CWC27: variants seen among roughly 807,000 people sequenced by gnomAD.
CWC27 encodes CWC27 spliceosome associated cyclophilin, also known as spliceosome-associated protein CWC27 homolog.
In CWC27, 47 loss-of-function variants were observed where a neutral mutation model predicts 63.6. That is an observed-to-expected ratio of 0.74 (90% CI 0.58 to 0.94). The LOEUF is 0.94. Ranked by LOEUF, CWC27 falls within the 40% of genes least tolerant of loss-of-function variation. CWC27 has a pLI of 0.00. For missense variants in CWC27, 495 were observed against 554.3 expected, an observed-to-expected ratio of 0.89 and a Z score of 1.07; for synonymous variants, 175 against 179.8, an observed-to-expected ratio of 0.97 and a Z score of 0.22.
At chr5:64,792,044 G>A (rs1561408722) in intron 7 of CWC27, among the ~76,000 whole-genome samples, 1 of 151,918 alleles carries the variant, frequency 6.6e-6, no homozygotes, top group Non-Finnish European at 1.5e-5. Flanking sequence ...TCCACTACCA[G>A]AGCAGCCTTC....
At chr5:64,920,037 A>G (rs1168434405) in intron 11 of CWC27, among the ~76,000 whole-genome samples, 1 of 152,170 alleles carries the variant, frequency 6.6e-6, no homozygotes, top group Non-Finnish European at 1.5e-5. Context: ...ACAGTATTCT[A>G]TGCATTCCCT....
intron 11 of CWC27, among the ~76,000 whole-genome samples, chr5:64,952,782 G>A (rs1375848785): frequency 6.6e-6 from 1 of 152,006 alleles, no homozygotes; most frequent in Non-Finnish European, 1.5e-5. Flanking sequence ...TTAGAAGCAA[G>A]CTTACAGTTT....
At chr5:64,885,277 T>C (rs1451429486) in intron 10 of CWC27, among the ~76,000 whole-genome samples, 166 bp from the exon 11 acceptor site, 3 of 152,136 alleles carry the variant, frequency 2.0e-5, no homozygotes, top group African/African-American at 7.2e-5. Context: ...TTAAAATCCT[T>C]TAAGTGTATT....
chr5:64,846,993 C>CAAA lies in CWC27; in HGVS notation c.939-38434_939-38432dup, dbSNP rs35090437. On this transcript the variant is annotated intron_variant, in intron 10 of 13. Coordinates refer to ENST00000381070, the MANE Select transcript of CWC27 (RefSeq NM_005869.4). The stretch of plus-strand genomic sequence containing the variant: ...TGGGTGACAGAATAAGACTCCATCT[C>CAAA]AAAAAAAAAAAAAAAAAAGAAAAAG... 5.4e-3 allele frequency among the ~76,000 whole-genome samples: 467 copies of CAAA among 86,130 alleles called. 10 individuals carry two copies. Among genetic ancestry groups the CAAA allele is most frequent in the African/African-American group, 0.021 (438 of 21,280 alleles). 56.5% of individuals were successfully genotyped at this position (86,130 alleles called of 152,430 possible).
chr5:64,876,723 A>G (rs913224225), intron 10 of CWC27, among the ~76,000 whole-genome samples: 3 of 152,108 alleles, frequency 2.0e-5, no homozygotes, highest in African/African-American at 7.2e-5. Flanking sequence ...TTCTCGTGAC[A>G]TAAGAAAAAA....
rs530459630 is a variant in CWC27, at chr5:64,770,983, AAC to A, written c.42+1799_42+1800del. 8.5e-5 allele frequency among the ~76,000 whole-genome samples: 13 copies of A among 152,362 alleles called. No individual in the cohort carries two copies. The East Asian group carries it at 2.5e-3, about 29-fold the overall frequency. On this transcript the variant is annotated intron_variant, in intron 1 of 13. Coordinates refer to ENST00000381070, the MANE Select transcript of CWC27 (RefSeq NM_005869.4). The stretch of plus-strand genomic sequence containing the variant: ...GGTTTTAGGGAGACAATGGAAAGAA[AAC>A]ACAGCATTGACTCAGTTGTCATGAG...
At chr5:64,999,822 A>G (rs1749700160) in intron 13 of CWC27, among the ~76,000 whole-genome samples, 1 of 152,078 alleles carries the variant, frequency 6.6e-6, no homozygotes, top group Non-Finnish European at 1.5e-5. Flanking sequence ...TCCTTTCGAT[A>G]TAATGATTTC....
intron 10 of CWC27, among the ~76,000 whole-genome samples, chr5:64,826,101 A>ATCTG (rs1302710130): frequency 6.6e-6 from 1 of 151,850 alleles, no homozygotes; most frequent in African/African-American, 2.4e-5. Flanking sequence ...CTATCTATCT[A>ATCTG]TCTATCTATC....
intron 11 of CWC27, among the ~76,000 whole-genome samples, chr5:64,896,218 G>C (rs1306018164): frequency 6.6e-6 from 1 of 152,146 alleles, no homozygotes; most frequent in Non-Finnish European, 1.5e-5. Context: ...ATTTTCAATG[G>C]ACTGAGGGAA....
At chr5:64,777,780 A>G (rs758825504) in intron 2 of CWC27, among the ~76,000 whole-genome samples, 2 of 152,164 alleles carry the variant, frequency 1.3e-5, no homozygotes, top group African/African-American at 2.4e-5. Flanking sequence ...GCAGCAAAAT[A>G]TACAGTATTA....
chr5:64,799,584 CAA>C (rs1339432735), intron 7 of CWC27, among the ~76,000 whole-genome samples: 1 of 78,876 alleles, frequency 1.3e-5, no homozygotes, highest in East Asian at 5.7e-4. Context: ...GACTCCATCT[CAA>C]AATATATATA....
chr5:64,942,085 G>C (rs936421182), intron 11 of CWC27, among the ~76,000 whole-genome samples: 1 of 151,922 alleles, frequency 6.6e-6, no homozygotes, highest in Non-Finnish European at 1.5e-5. Flanking sequence ...TATTATATGA[G>C]ATTAAAGCAT....
chr5:64,979,487 ACAACATCAT>A (rs1749292062), intron 13 of CWC27, among the ~76,000 whole-genome samples: 2 of 152,226 alleles, frequency 1.3e-5, no homozygotes, highest in South Asian at 4.1e-4. Context: ...CTGATAAGCA[ACAACATCAT>A]TTCTGTTCAG....
intron 10 of CWC27, among the ~76,000 whole-genome samples, chr5:64,869,094 ATTT>A (rs745596574): frequency 1.4e-4 from 21 of 152,218 alleles, no homozygotes; most frequent in Admixed American, 6.6e-4. Flanking sequence ...ATCAATTACA[ATTT>A]TTAATAAATT....
At chr5:64,789,551 C>T (rs994104764) in intron 7 of CWC27, among the ~76,000 whole-genome samples, 8 of 152,076 alleles carry the variant, frequency 5.3e-5, no homozygotes, top group African/African-American at 1.9e-4. Context: ...GAACTGAACG[C>T]AGGTCTTTGT....
At chr5:64,955,621 T>C (rs1364958551) in intron 11 of CWC27, among the ~76,000 whole-genome samples, 1 of 152,070 alleles carries the variant, frequency 6.6e-6, no homozygotes, top group African/African-American at 2.4e-5. Flanking sequence ...TGGAGCATAG[T>C]TGGATGAGCT....
rs554578273 is a variant in CWC27, at chr5:64,940,150, G to A, written c.1043-31553G>A. ...CAGTTCTGTCTCACTGGCATTCCAG[G>A]TGCCACTGGGGTATGAAAAAAAACC... On this transcript the variant is annotated intron_variant, in intron 11 of 13. Transcript: ENST00000381070. 7.9e-5 allele frequency among the ~76,000 whole-genome samples: 12 copies of A among 152,172 alleles called. No homozygotes were observed. In the South Asian group the frequency reaches 2.5e-3, roughly 32 times the overall value.
intron 10 of CWC27, among the ~76,000 whole-genome samples, chr5:64,851,563 GAAGT>G (rs1746134240): frequency 1.3e-5 from 2 of 152,142 alleles, no homozygotes; most frequent in South Asian, 4.1e-4. Flanking sequence ...TCTCACCACA[GAAGT>G]ATGTTAAGTA....
At chr5:64,822,906 G>A (rs1437951094) in intron 10 of CWC27, among the ~76,000 whole-genome samples, 1 of 152,118 alleles carries the variant, frequency 6.6e-6, no homozygotes, top group African/African-American at 2.4e-5. Flanking sequence ...TGAGGTAATG[G>A]TTTAGTGAGA....
Sources: gnomAD v4.1 joint callset for allele counts (sites outside exome capture counted in the v4.1 genomes callset) on GRCh38, gnomAD v4.1.1 for gene constraint, MANE v1.5 for transcripts, NCBI Gene and HGNC (gene_info 2026-07-23, HGNC 2026-07-21) for gene names.